Variants in MRPL50 observed in about 807,000 individuals in gnomAD.
The protein encoded by MRPL50 is large ribosomal subunit protein mL50.
MRPL50 carries 10 observed loss-of-function variants against 16.2 expected under a neutral mutation model. That is an observed-to-expected ratio of 0.62 (90% CI 0.38 to 1.05). MRPL50 has a LOEUF of 1.05. Ranked by LOEUF, MRPL50 falls within the 50% of genes least tolerant of loss-of-function variation. The probability of loss-of-function intolerance (pLI) is 0.01; values close to 1 mark genes in which losing one functional copy is unlikely to be tolerated. For missense variants in MRPL50, 213 were observed against 187.1 expected (o/e 1.14, Z -0.81); for synonymous variants, 68 against 66.8 (o/e 1.02, Z -0.09).
Position 101,398,425 on chromosome 9 carries a change from C to T in MRPL50, c.92+76G>A. On this transcript the variant is annotated intron_variant, in intron 1 of 1. Coordinates refer to ENST00000374865, the MANE Select transcript of MRPL50 (RefSeq NM_019051.3). ...CAGGCGCGGGACCACGATGGCGTAA[C>T]ACTCTATTTTGAATTCGTCCCTAAT... 3 of 1,381,634 alleles carry T rather than the reference C, an allele frequency of 2.2e-6. No individual in the cohort carries two copies. In the African/African-American group the frequency reaches 4.3e-5, roughly 20 times the overall value. The allele number at this position is 1,381,634 out of a possible 1,614,324, so 85.6% of individuals were successfully genotyped here.
In MRPL50 at chr9:101,388,148, C is replaced by G. The variant is rs1005748120; in HGVS notation, c.*2318G>C. 3.3e-5 allele frequency: 5 copies of G among 152,016 alleles called. No individual in the cohort carries two copies. Among genetic ancestry groups the G allele is most frequent in the Non-Finnish European group, 7.4e-5 (5 of 67,990 alleles). The allele number at this position is 152,016 out of a possible 1,614,324, so 9.4% of individuals were successfully genotyped here. On this transcript the variant is annotated 3_prime_UTR_variant, in exon 2 of 2. Transcript: ENST00000374865. ...AGCATGCAGAAGCTCAGGACCTACT[C>G]CAGACTTACCAAATCAGAATTTGCA...
rs1181176275 is a variant in MRPL50 at position 101,389,123 on chromosome 9, TA to T, written c.*1342del. On this transcript the variant is annotated 3_prime_UTR_variant, in exon 2 of 2. Coordinates refer to ENST00000374865, the MANE Select transcript of MRPL50 (RefSeq NM_019051.3). ...TTTAAAATTTACATATTTACATAAC[TA>T]AATACATTGTATTCACAATTGTAAA... The T allele has an allele frequency of 6.5e-6, 1 of 154,196 alleles. No individual in the cohort carries two copies. The highest frequency in any genetic ancestry group is 2.4e-5 in the African/African-American group (1 of 41,444). The allele number at this position is 154,196 out of a possible 1,614,324, so 9.6% of individuals were successfully genotyped here. A position where few individuals can be genotyped will look rare whatever the true frequency, so the allele number is the denominator to read the frequency against.
rs549254077 is a variant in MRPL50, at chr9:101,390,081, T to C, written c.*385A>G. ...TCTATCTAATAAAAGTTTATTTGTG[T>C]ATGTGCAATGCATAACTCTATCTTA... On this transcript the variant is annotated 3_prime_UTR_variant, in exon 2 of 2. Coordinates refer to ENST00000374865, the MANE Select transcript of MRPL50 (RefSeq NM_019051.3). The C allele has an allele frequency of 1.3e-4, 130 of 991,726 alleles. No homozygotes were observed. Among genetic ancestry groups the C allele is most frequent in the Non-Finnish European group, 1.5e-4 (126 of 832,078 alleles). The allele number at this position is 991,726 out of a possible 1,614,324, so 61.4% of individuals were successfully genotyped here.
At chr9:101,398,290 G>A (rs1243337075) in intron 1 of MRPL50, among the ~76,000 whole-genome samples, 2 of 152,152 alleles carry the variant, frequency 1.3e-5, no homozygotes, top group Non-Finnish European at 2.9e-5. Context: ...TGGTATTTCC[G>A]TTATAAAATG....
chr9:101,395,452 G>C (rs555317111), intron 1 of MRPL50, among the ~76,000 whole-genome samples: 1 of 152,070 alleles, frequency 6.6e-6, no homozygotes, highest in Non-Finnish European at 1.5e-5. Flanking sequence ...GTCTAACAGA[G>C]ATATCTGTAC....
rs1830249634 is a variant in MRPL50, at chr9:101,390,091, G to A, written c.*375C>T. 2.0e-6 allele frequency: 2 copies of A among 1,007,566 alleles called. No homozygotes were observed. The highest frequency in any genetic ancestry group is 2.4e-6 in the Non-Finnish European group (2 of 842,836). 62.4% of individuals were successfully genotyped at this position (1,007,566 alleles called of 1,614,324 possible). ...AAAAGTTTATTTGTGTATGTGCAAT[G>A]CATAACTCTATCTTAGATATGAATC... On this transcript the variant is annotated 3_prime_UTR_variant, in exon 2 of 2. Coordinates refer to ENST00000374865, the MANE Select transcript of MRPL50 (RefSeq NM_019051.3).
rs536322518 is a variant in MRPL50 at position 101,390,534 on chromosome 9, T to C, written c.409A>G (p.Arg137Gly). The stretch of plus-strand genomic sequence containing the variant: ...GCACTGAGTTCATCAAATTTAGATC[T>C]ATCTTGAATAGGGACATTATAGAAA... ...LDFYNVPIQD[R>G]SKFDELSASN... Residue 137 changes from arginine to glycine, a missense_variant, in exon 2 of 2, where the codon AGA (arginine) becomes GGA (glycine). Transcript: ENST00000374865. 19 of 1,613,304 alleles carry C rather than the reference T, an allele frequency of 1.2e-5. No homozygotes were observed. Among genetic ancestry groups the C allele is most frequent in the East Asian group, 8.9e-5 (4 of 44,864 alleles).
At chr9:101,390,880 C>A in intron 1 of MRPL50, 30 bp from the exon 2 acceptor site, 3 of 1,549,828 alleles carry the variant, frequency 1.9e-6, no homozygotes, top group Non-Finnish European at 2.6e-6. Flanking sequence ...ACAGACAAAT[C>A]CATTAATGAA....
chr9:101,397,564 A>T (rs1830373116), intron 1 of MRPL50, among the ~76,000 whole-genome samples: 1 of 152,216 alleles, frequency 6.6e-6, no homozygotes, highest in African/African-American at 2.4e-5. Flanking sequence ...TAACCACTGT[A>T]TTCTTACAAC....
At position 101,390,167 on chromosome 9, in the gene MRPL50, G is replaced by C. The variant is rs1405410792; in HGVS notation, c.*299C>G. On this transcript the variant is annotated 3_prime_UTR_variant, in exon 2 of 2. Coordinates refer to ENST00000374865, the MANE Select transcript of MRPL50 (RefSeq NM_019051.3). ...CAACTACTTTATGCTTATGAAAGGTGTGAACTTGCAATGTCCTCCTGTCTT... is the reference window on the plus strand; with the variant it reads ...CAACTACTTTATGCTTATGAAAGGTCTGAACTTGCAATGTCCTCCTGTCTT... 1 of 1,101,456 alleles carries C rather than the reference G, an allele frequency of 9.1e-7. No homozygotes were observed. Among genetic ancestry groups the C allele is most frequent in the East Asian group, 6.2e-5 (1 of 16,130 alleles). 68.2% of individuals were successfully genotyped at this position (1,101,456 alleles called of 1,614,324 possible). A position where few individuals can be genotyped will look rare whatever the true frequency, so the allele number is the denominator to read the frequency against.
rs1830222604 is a variant in MRPL50 at position 101,387,986 on chromosome 9, A to T, written c.*2480T>A. 1 of 152,038 alleles carries T rather than the reference A, an allele frequency of 6.6e-6. No individual in the cohort carries two copies. The highest frequency in any genetic ancestry group is 6.6e-5 in the Admixed American group (1 of 15,246). 9.4% of individuals were successfully genotyped at this position (152,038 alleles called of 1,614,324 possible). On this transcript the variant is annotated 3_prime_UTR_variant, in exon 2 of 2. Coordinates refer to ENST00000374865, the MANE Select transcript of MRPL50 (RefSeq NM_019051.3). ...CCTCTAGTGGTACTGATGGACGTAC[A>T]GTTTACCTTCCCTGTTAGGATGTGT...
Position 101,387,699 on chromosome 9 carries a change from G to A in MRPL50, c.*2767C>T, listed in dbSNP as rs1830220119. The A allele has an allele frequency of 6.6e-6, 1 of 152,034 alleles. No homozygotes were observed. The allele number at this position is 152,034 out of a possible 1,614,324, so 9.4% of individuals were successfully genotyped here. A position where few individuals can be genotyped will look rare whatever the true frequency, so the allele number is the denominator to read the frequency against. ...ATTACATATGTAAAACCATTCTATT[G>A]AGTCTGAATCTCTATTTTATTAGCA... On this transcript the variant is annotated 3_prime_UTR_variant, in exon 2 of 2. Transcript: ENST00000374865.
In MRPL50 at chr9:101,389,334, C is replaced by G. The variant is rs1433682063; in HGVS notation, c.*1132G>C. 1.0e-5 allele frequency: 6 copies of G among 589,822 alleles called. No homozygotes were observed. Among genetic ancestry groups the G allele is most frequent in the Non-Finnish European group, 1.5e-5 (6 of 392,496 alleles). 36.5% of individuals were successfully genotyped at this position (589,822 alleles called of 1,614,324 possible). A position where few individuals can be genotyped will look rare whatever the true frequency, so the allele number is the denominator to read the frequency against. On this transcript the variant is annotated 3_prime_UTR_variant, in exon 2 of 2. Coordinates refer to ENST00000374865, the MANE Select transcript of MRPL50 (RefSeq NM_019051.3). ...AGGAATCAACTCTAATGTCTAAGCT[C>G]CAGAGCTCCAGGCACTCTGACACCT...
In MRPL50 at chr9:101,389,824, A is replaced by C. The variant is rs959984752; in HGVS notation, c.*642T>G. The stretch of plus-strand genomic sequence containing the variant: ...AAGAGAATATGCAATTAGACATAGA[A>C]TCTGGCACATCTCTTATGAGGAAGA... On this transcript the variant is annotated 3_prime_UTR_variant, in exon 2 of 2. Transcript: ENST00000374865. The C allele has an allele frequency of 1.5e-5, 3 of 202,350 alleles. No homozygotes were observed. Among genetic ancestry groups the C allele is most frequent in the Non-Finnish European group, 2.7e-5 (3 of 112,406 alleles). 12.5% of individuals were successfully genotyped at this position (202,350 alleles called of 1,614,324 possible). A position where few individuals can be genotyped will look rare whatever the true frequency, so the allele number is the denominator to read the frequency against.
Position 101,390,458 on chromosome 9 carries a change from C to T in MRPL50, c.*8G>A, listed in dbSNP as rs369725433. On this transcript the variant is annotated 3_prime_UTR_variant, in exon 2 of 2. Transcript: ENST00000374865. ...CAGTGATTTCAATGTGTTTCTCTTCCGAATTGCTTAGTAACTCCAAGTGAT... is the reference window on the plus strand; with the variant it reads ...CAGTGATTTCAATGTGTTTCTCTTCTGAATTGCTTAGTAACTCCAAGTGAT... 1.9e-5 allele frequency: 30 copies of T among 1,602,810 alleles called. No individual in the cohort carries two copies. Among genetic ancestry groups the T allele is most frequent in the East Asian group, 4.5e-5 (2 of 44,806 alleles).
At chr9:101,398,213 T>G (rs1830390458) in intron 1 of MRPL50, among the ~76,000 whole-genome samples, 1 of 152,242 alleles carries the variant, frequency 6.6e-6, no homozygotes, top group Non-Finnish European at 1.5e-5. Flanking sequence ...ACTCGGTGTC[T>G]CGCACACGAG....
chr9:101,396,218 C>T (rs1475563995), intron 1 of MRPL50, among the ~76,000 whole-genome samples: 3 of 152,074 alleles, frequency 2.0e-5, no homozygotes, highest in Non-Finnish European at 4.4e-5. Context: ...TTGGCATAGC[C>T]ATTATAAAAA....
chr9:101,393,431 CTTAT>C (rs997501551), intron 1 of MRPL50, among the ~76,000 whole-genome samples: 1 of 151,564 alleles, frequency 6.6e-6, no homozygotes, highest in African/African-American at 2.4e-5. Context: ...TCAAATTGTT[CTTAT>C]TTGATATATG....
chr9:101,390,265 A>G lies in MRPL50; in HGVS notation c.*201T>C. The G allele has an allele frequency of 4.7e-6, 6 of 1,269,968 alleles. No homozygotes were observed. The highest frequency in any genetic ancestry group is 6.0e-6 in the Non-Finnish European group (6 of 1,008,390). 78.7% of individuals were successfully genotyped at this position (1,269,968 alleles called of 1,614,324 possible). A position where few individuals can be genotyped will look rare whatever the true frequency, so the allele number is the denominator to read the frequency against. On this transcript the variant is annotated 3_prime_UTR_variant, in exon 2 of 2. Coordinates refer to ENST00000374865, the MANE Select transcript of MRPL50 (RefSeq NM_019051.3). ...CTAATTTCATTTAAAAAATGGTTTCAGCAAATATGAAAATAGAAAGTCCGT... is the reference window on the plus strand; with the variant it reads ...CTAATTTCATTTAAAAAATGGTTTCGGCAAATATGAAAATAGAAAGTCCGT...
Sources: allele counts gnomAD v4.1 joint callset (sites outside exome capture counted in the v4.1 genomes callset), GRCh38; gene constraint gnomAD v4.1.1; transcripts MANE v1.5; gene names NCBI Gene and HGNC (gene_info 2026-07-23, HGNC 2026-07-21).